The following USP22 variants were observed in gnomAD, a reference collection of about 807,000 sequenced individuals.
The protein encoded by USP22 is ubiquitin specific peptidase 22.
In USP22, 22 loss-of-function variants were observed where a neutral mutation model predicts 68.1. The observed-to-expected ratio is 0.32, with a 90% CI of 0.23 to 0.46. USP22 has a LOEUF of 0.46. Ranked by LOEUF, USP22 falls within the 20% of genes least tolerant of loss-of-function variation. USP22 has a pLI of 1.00. For synonymous variants in USP22, 279 were observed against 274.2 expected, an observed-to-expected ratio of 1.02 and a Z score of -0.17; for missense variants, 433 against 695.8, an observed-to-expected ratio of 0.62 and a Z score of 4.25.
intron 2 of USP22, 80 bp downstream of exon 2, chr17:21,028,462 A>G: frequency 6.4e-7 from 1 of 1,572,444 alleles, no homozygotes; most frequent in Non-Finnish European, 8.6e-7. Flanking sequence ...CTTTTGGAAG[A>G]GTGGAACTGC....
At chr17:21,039,189 G>C (rs974897218) in intron 1 of USP22, among the ~76,000 whole-genome samples, 1 of 151,914 alleles carries the variant, frequency 6.6e-6, no homozygotes, top group Non-Finnish European at 1.5e-5. Flanking sequence ...CTGACCTCGT[G>C]ATCCGCCCGC....
At chr17:21,026,353 T>C (rs554035341) in intron 2 of USP22, among the ~76,000 whole-genome samples, 1 of 152,230 alleles carries the variant, frequency 6.6e-6, no homozygotes, top group East Asian at 1.9e-4. Context: ...TTTTTTTGAG[T>C]CTTGCTCTAT....
intron 1 of USP22, among the ~76,000 whole-genome samples, chr17:21,032,728 CAGG>C (rs1361378422): frequency 1.3e-5 from 2 of 151,938 alleles, no homozygotes; most frequent in Non-Finnish European, 2.9e-5. Context: ...AGCTTGAGGC[CAGG>C]AGTTCAAGAC....
intron 2 of USP22, among the ~76,000 whole-genome samples, chr17:21,023,731 A>G (rs370883573): frequency 6.6e-6 from 1 of 151,990 alleles, no homozygotes; most frequent in African/African-American, 2.4e-5. Flanking sequence ...GCACAGAGGA[A>G]AGACCATGGA....
intron 1 of USP22, among the ~76,000 whole-genome samples, chr17:21,039,667 G>C (rs1177323748): frequency 6.6e-6 from 1 of 152,162 alleles, no homozygotes; most frequent in East Asian, 1.9e-4. Context: ...AAGAATCAAA[G>C]TTTGGGTACA....
At chr17:21,020,601 C>T (rs1013210157) in intron 3 of USP22, among the ~76,000 whole-genome samples, 1 of 152,188 alleles carries the variant, frequency 6.6e-6, no homozygotes, top group African/African-American at 2.4e-5. Context: ...AGAGATTCTA[C>T]CACAACTTGA....
chr17:21,012,979 T>G, intron 6 of USP22, 44 bp from the exon 7 acceptor site: 1 of 1,586,716 alleles, frequency 6.3e-7, no homozygotes, highest in Non-Finnish European at 8.7e-7. Context: ...TCCCCAAATA[T>G]GGGGAGTCTC....
At chr17:21,039,286 T>C (rs900749687) in intron 1 of USP22, among the ~76,000 whole-genome samples, 28 of 151,040 alleles carry the variant, frequency 1.9e-4, no homozygotes, top group African/African-American at 6.3e-4. Context: ...AAGAGTTTTA[T>C]GGCAATTCGG....
Position 21,028,707 on chromosome 17 carries a change from G to A in USP22, c.172-33C>T, listed in dbSNP as rs760489600. 5 of 1,608,932 alleles carry A rather than the reference G, an allele frequency of 3.1e-6. No individual in the cohort carries two copies. The South Asian group carries it at 5.5e-5, about 18-fold the overall frequency. Reference sequence around the variant, plus strand: ...TCAGAGAAGAGGAGGAGTGAACGCTGTGTGATAAGACAGGGGTGCTCAGAG... The same window carrying A: ...TCAGAGAAGAGGAGGAGTGAACGCTATGTGATAAGACAGGGGTGCTCAGAG... On this transcript the variant is annotated intron_variant, in intron 1 of 12. Transcript: ENST00000261497.
intron 1 of USP22, among the ~76,000 whole-genome samples, chr17:21,031,389 G>T (rs981587458): frequency 6.6e-6 from 1 of 152,174 alleles, no homozygotes; most frequent in African/African-American, 2.4e-5. Flanking sequence ...ACCTAACACT[G>T]AACAAAACAA....
intron 9 of USP22, among the ~76,000 whole-genome samples, chr17:21,007,269 A>G (rs1913809908): frequency 6.6e-6 from 1 of 152,228 alleles, no homozygotes; most frequent in East Asian, 1.9e-4. Flanking sequence ...CACAGAAAAC[A>G]AAACAAAGAT....
chr17:21,014,048 T>TG (rs1318925004), intron 6 of USP22, among the ~76,000 whole-genome samples: 4 of 152,332 alleles, frequency 2.6e-5, no homozygotes, highest in East Asian at 3.9e-4. Flanking sequence ...CACTCCAGCC[T>TG]GGCGACAGAG....
In USP22 at chr17:20,999,827, TG is replaced by T. The variant is rs1913497811; in HGVS notation, c.*3203del. The T allele has an allele frequency of 6.6e-6, 1 of 152,326 alleles. No homozygotes were observed. Among genetic ancestry groups the T allele is most frequent in the Admixed American group, 6.5e-5 (1 of 15,312 alleles). The allele number at this position is 152,326 out of a possible 1,614,324, so 9.4% of individuals were successfully genotyped here. ...TCAAAAGAACAGCAATTTTACACAA[TG>T]AAGAGCATACACACCAAGCCAAAAT... On this transcript the variant is annotated 3_prime_UTR_variant, in exon 13 of 13. Coordinates refer to ENST00000261497, the MANE Select transcript of USP22 (RefSeq NM_015276.2).
Position 21,028,693 on chromosome 17 carries a change from G to A in USP22, c.172-19C>T. On this transcript the variant is annotated intron_variant, in intron 1 of 12. Transcript: ENST00000261497. Reference sequence around the variant, plus strand: ...ACTTGGCCTGAAATTCAGAGAAGAGGAGGAGTGAACGCTGTGTGATAAGAC... The same window carrying A: ...ACTTGGCCTGAAATTCAGAGAAGAGAAGGAGTGAACGCTGTGTGATAAGAC... 6.2e-7 allele frequency: 1 copy of A among 1,612,546 alleles called. No homozygotes were observed. Among genetic ancestry groups the A allele is most frequent in the Non-Finnish European group, 8.5e-7 (1 of 1,179,734 alleles).
intron 8 of USP22, among the ~76,000 whole-genome samples, chr17:21,010,141 A>G (rs1191065032): frequency 6.6e-6 from 1 of 151,894 alleles, no homozygotes; most frequent in Admixed American, 6.6e-5. Context: ...TCCAGCCTGC[A>G]TGAAAGAGCA....
rs1352996623 is a variant in USP22 at position 21,004,380 on chromosome 17, C to CCT, written c.1386-30_1386-29insAG. On this transcript the variant is annotated intron_variant, in intron 11 of 12. Transcript: ENST00000261497. ...GTGCAGGAGCAAAGGAGAGGGAGGG[C>CCT]GCAGGTGACTTGATGCCGTCACTTG... 5.0e-6 allele frequency: 8 copies of CCT among 1,609,340 alleles called. No homozygotes were observed. In the South Asian group the frequency reaches 7.7e-5, roughly 15 times the overall value.
chr17:21,041,292 C>T (rs1215650127), intron 1 of USP22, among the ~76,000 whole-genome samples: 1 of 151,994 alleles, frequency 6.6e-6, no homozygotes, highest in Non-Finnish European at 1.5e-5. Context: ...TACCTGATAC[C>T]ATTACAGATA....
chr17:21,037,441 G>T (rs944298871), intron 1 of USP22, among the ~76,000 whole-genome samples: 1 of 152,188 alleles, frequency 6.6e-6, no homozygotes, highest in Admixed American at 6.5e-5. Flanking sequence ...AAGACATCTT[G>T]ACAGCATCAT....
At position 21,019,141 on chromosome 17, in the gene USP22, G is replaced by T; in HGVS notation, c.463C>A (p.Leu155Ile). The change falls in exon 4 of 13, where the codon CTT becomes ATT. Residue 155 changes from leucine (L) to isoleucine (I), a missense_variant. Around this residue, in one of 4 missense-constraint regions of USP22, gnomAD observed 144 missense variants for 237.2 expected, o/e 0.61. Coordinates refer to ENST00000261497, the MANE Select transcript of USP22 (RefSeq NM_015276.2). ...TTCGGGTTGTGCTTCAGCAGTTCAA[G>T]CTCCCGTTTGGTTGGTTCCCAAGTT... Reference protein sequence around the residue: ...FSTWEPTKRELELLKHNPKRR... With the variant: ...FSTWEPTKREIELLKHNPKRR... 6.2e-7 allele frequency: 1 copy of T among 1,614,210 alleles called. No individual in the cohort carries two copies. Among genetic ancestry groups the T allele is most frequent in the East Asian group, 2.2e-5 (1 of 44,888 alleles).
Sources: gnomAD v4.1 joint callset for allele counts (sites outside exome capture counted in the v4.1 genomes callset) on GRCh38, gnomAD v4.1.1 for gene constraint, gnomAD v4.1.1 regional missense constraint, MANE v1.5 for transcripts, NCBI Gene and HGNC (gene_info 2026-07-23, HGNC 2026-07-21) for gene names.